Variants in SMAD9 observed in about 807,000 individuals in gnomAD.
The protein encoded by SMAD9 is SMAD family member 9, also known as MAD homolog 9.
In SMAD9, 36 loss-of-function variants were observed where a neutral mutation model predicts 46.1. The ratio of observed to expected loss-of-function variants is 0.78; its 90% confidence interval spans 0.60 to 1.03. The LOEUF is 1.03. Among genes scored for constraint, SMAD9 ranks in the 50% least tolerant of loss-of-function variants. The probability of loss-of-function intolerance (pLI) is 0.00; values close to 1 mark genes in which losing one functional copy is unlikely to be tolerated. For missense variants in SMAD9, 572 were observed against 599.8 expected (o/e 0.95, Z 0.48); for synonymous variants, 245 against 237.1 (o/e 1.03, Z -0.31).
At chr13:36,888,433 C>T (rs142481846) in intron 1 of SMAD9, among the ~76,000 whole-genome samples, 1 of 152,248 alleles carries the variant, frequency 6.6e-6, no homozygotes, top group East Asian at 1.9e-4. Flanking sequence ...AACTGGAAGT[C>T]AATTAAACCT....
Position 36,909,155 on chromosome 13 carries a change from TAC to T in SMAD9, c.-187+10959_-187+10960del, listed in dbSNP as rs568159887. Among the ~76,000 whole-genome samples the T allele has an allele frequency of 1.9e-4, 29 of 152,354 alleles. No homozygotes were observed. The South Asian group carries it at 5.6e-3, about 29-fold the overall frequency. On this transcript the variant is annotated intron_variant, in intron 1 of 6. Transcript: ENST00000379826. ...TATTTTTTAAATTAAAGAAACTAGA[TAC>T]AGTTTTTATTGTTGCTCATTATCAC...
chr13:36,878,890 T>G (rs1285265056), intron 2 of SMAD9, among the ~76,000 whole-genome samples: 1 of 152,216 alleles, frequency 6.6e-6, no homozygotes, highest in Non-Finnish European at 1.5e-5. Flanking sequence ...CGATTAGCCA[T>G]CTGCCTCATT....
At chr13:36,901,076 T>C (rs2058571884) in intron 1 of SMAD9, among the ~76,000 whole-genome samples, 1 of 152,228 alleles carries the variant, frequency 6.6e-6, no homozygotes, top group Non-Finnish European at 1.5e-5. Flanking sequence ...GTATAAACAA[T>C]TGATAGATAT....
At chr13:36,850,482 C>T (rs1471476241) in intron 6 of SMAD9, among the ~76,000 whole-genome samples, 3 of 152,114 alleles carry the variant, frequency 2.0e-5, no homozygotes, top group Non-Finnish European at 2.9e-5. Context: ...GAGGTTCAAG[C>T]GATTCTCCTG....
At position 36,876,172 on chromosome 13, in the gene SMAD9, G is replaced by C. The variant is rs181268873; in HGVS notation, c.412+3106C>G. Among the ~76,000 whole-genome samples, 278 of 149,520 alleles carry C rather than the reference G, an allele frequency of 1.9e-3. 1 individual carries two copies. The highest frequency in any genetic ancestry group is 6.8e-3 in the Middle Eastern group (2 of 292). On this transcript the variant is annotated intron_variant, in intron 2 of 6. Transcript: ENST00000379826. ...AACACCATGCTATCTTTACATCTCA[G>C]TGTCACACGGGGGGAGACAGCGGAA...
intron 1 of SMAD9, among the ~76,000 whole-genome samples, chr13:36,889,845 T>C (rs2058475736): frequency 6.6e-6 from 1 of 152,134 alleles, no homozygotes; most frequent in African/African-American, 2.4e-5. Flanking sequence ...CCAAACCTCT[T>C]ATACTTTGGC....
Position 36,848,472 on chromosome 13 carries a change from A to G in SMAD9, c.*204T>C, listed in dbSNP as rs2058049873. On this transcript the variant is annotated 3_prime_UTR_variant, in exon 7 of 7. Coordinates refer to ENST00000379826, the MANE Select transcript of SMAD9 (RefSeq NM_001127217.3). Reference sequence around the variant, plus strand: ...ATCTGCTGCTTATAGCACAGGCACCAAAGTCCTGCTTTTCCAATTGCACTG... The same window carrying G: ...ATCTGCTGCTTATAGCACAGGCACCGAAGTCCTGCTTTTCCAATTGCACTG... 8 of 603,842 alleles carry G rather than the reference A, an allele frequency of 1.3e-5. No homozygotes were observed. In the South Asian group the frequency reaches 1.4e-4, roughly 10 times the overall value. 37.4% of individuals were successfully genotyped at this position (603,842 alleles called of 1,614,324 possible).
Position 36,879,394 on chromosome 13 carries a change from G to A in SMAD9, c.296C>T (p.Pro99Leu), listed in dbSNP as rs2058379549. Residue 99 changes from proline to leucine, a missense_variant, in exon 2 of 7, where the codon CCG (proline) becomes CTG (leucine). Pro to Leu is a moderately conservative substitution (Grantham distance 98). Transcript: ENST00000379826. ...CAGCTCGTGGTGGGACTGCAGATCC[G>A]GCCAGCGCCACACGCGACAGTAAAT... ...HVIYCRVWRW[P>L]DLQSHHELKP... The A allele has an allele frequency of 1.9e-6, 3 of 1,614,054 alleles. No homozygotes were observed. Among genetic ancestry groups the A allele is most frequent in the Non-Finnish European group, 2.5e-6 (3 of 1,180,028 alleles).
intron 1 of SMAD9, among the ~76,000 whole-genome samples, chr13:36,918,772 T>G (rs1395176369): frequency 6.6e-6 from 1 of 152,222 alleles, no homozygotes; most frequent in Non-Finnish European, 1.5e-5. Flanking sequence ...TTTTAAAATG[T>G]AAACATCCAA....
chr13:36,907,941 T>C (rs1015307695), intron 1 of SMAD9, among the ~76,000 whole-genome samples: 1 of 152,170 alleles, frequency 6.6e-6, no homozygotes, highest in East Asian at 1.9e-4. Context: ...ATCTTCACAC[T>C]CGCCCAGGCC....
intron 1 of SMAD9, among the ~76,000 whole-genome samples, chr13:36,919,663 C>T (rs1404976411): frequency 6.6e-6 from 1 of 151,690 alleles, no homozygotes; most frequent in Non-Finnish European, 1.5e-5. Flanking sequence ...GGTCCCTGCC[C>T]ACGCCCCGGG....
At chr13:36,874,905 G>C (rs901704910) in intron 2 of SMAD9, among the ~76,000 whole-genome samples, 1 of 146,556 alleles carries the variant, frequency 6.8e-6, no homozygotes, top group Non-Finnish European at 1.5e-5. Flanking sequence ...GTATATGTAT[G>C]TATGTATGTA....
In SMAD9 at chr13:36,865,738, C is replaced by A; in HGVS notation, c.802G>T (p.Glu268Ter). 1 of 1,613,988 alleles carries A rather than the reference C, an allele frequency of 6.2e-7. No individual in the cohort carries two copies. The highest frequency in any genetic ancestry group is 1.1e-5 in the South Asian group (1 of 91,068). ...PNGDFRPVCY[E>*]EPQHWCSVAY... ...ACCGAGCACCAGTGCTGGGGCTCCT[C>A]GTAACAAACTGGTCGAAAGTCTGGA... The change falls in exon 5 of 7, where the codon GAG (glutamate) becomes TAG (stop). Residue 268 changes from glutamate (E) to a stop codon, truncating the protein, a stop_gained. Transcript: ENST00000379826. LOFTEE classifies it high-confidence loss of function.
Position 36,870,873 on chromosome 13 carries a change from C to A in SMAD9, c.670+1785G>T, listed in dbSNP as rs535958627. 2.3e-3 allele frequency among the ~76,000 whole-genome samples: 355 copies of A among 152,306 alleles called. 1 individual carries two copies. The highest frequency in any genetic ancestry group is 8.1e-3 in the African/African-American group (338 of 41,560). On this transcript the variant is annotated intron_variant, in intron 3 of 6. Coordinates refer to ENST00000379826, the MANE Select transcript of SMAD9 (RefSeq NM_001127217.3). Reference sequence around the variant, plus strand: ...AATCAGAGTGACCTCAACAGTAGATCTGATCACAGAGACAGCTACTAATTG... The same window carrying A: ...AATCAGAGTGACCTCAACAGTAGATATGATCACAGAGACAGCTACTAATTG...
chr13:36,916,613 G>T (rs1385578600), intron 1 of SMAD9, among the ~76,000 whole-genome samples: 2 of 152,026 alleles, frequency 1.3e-5, no homozygotes, highest in Non-Finnish European at 2.9e-5. Context: ...AGGGCACTGT[G>T]GTCAGCATTC....
chr13:36,881,045 C>G (rs1196624300), intron 1 of SMAD9, among the ~76,000 whole-genome samples: 1 of 152,096 alleles, frequency 6.6e-6, no homozygotes, highest in African/African-American at 2.4e-5. Context: ...TATCACACAC[C>G]AATACATACA....
At chr13:36,857,143 A>G (rs1351072690) in intron 5 of SMAD9, among the ~76,000 whole-genome samples, 3 of 152,020 alleles carry the variant, frequency 2.0e-5, no homozygotes, top group Non-Finnish European at 4.4e-5. Context: ...AAGCATGAAC[A>G]TGTGCAGATT....
chr13:36,915,563 GAA>G (rs1491219655), intron 1 of SMAD9, among the ~76,000 whole-genome samples: 4 of 151,976 alleles, frequency 2.6e-5, no homozygotes. Context: ...GAGAGAGAGA[GAA>G]GATTTTGATA....
chr13:36,873,054 T>C lies in SMAD9; in HGVS notation c.413-139A>G, dbSNP rs372079973. On this transcript the variant is annotated intron_variant, in intron 2 of 6. Transcript: ENST00000379826. ...CCTTGGGAACTACTCCCATTAGTCTTTGTGCTCATCATAAAACTGTCGATT... is the reference window on the plus strand; with the variant it reads ...CCTTGGGAACTACTCCCATTAGTCTCTGTGCTCATCATAAAACTGTCGATT... 116 of 943,450 alleles carry C rather than the reference T, an allele frequency of 1.2e-4. 1 individual carries two copies. Among genetic ancestry groups the C allele is most frequent in the East Asian group, 1.2e-3 (44 of 38,152 alleles). The allele number at this position is 943,450 out of a possible 1,614,324, so 58.4% of individuals were successfully genotyped here. A position where few individuals can be genotyped will look rare whatever the true frequency, so the allele number is the denominator to read the frequency against.
Sources: gnomAD v4.1 joint callset for allele counts (sites outside exome capture counted in the v4.1 genomes callset) on GRCh38, gnomAD v4.1.1 for gene constraint, MANE v1.5 for transcripts, NCBI Gene and HGNC (gene_info 2026-07-23, HGNC 2026-07-21) for gene names.